Variants in NEMP2 observed in about 807,000 individuals in gnomAD.
The protein encoded by NEMP2 is UPF0571 transmembrane protein.
NEMP2 carries 53 observed loss-of-function variants against 54.2 expected under a neutral mutation model. The ratio of observed to expected loss-of-function variants is 0.98; its 90% CI spans 0.78 to 1.23. The LOEUF (loss-of-function observed/expected upper bound fraction) is 1.23, where lower values mean the gene tolerates loss of function less well. NEMP2 is among the 50% of genes most tolerant of loss of function. The probability of loss-of-function intolerance (pLI) is 0.00; values close to 1 mark genes in which losing one functional copy is unlikely to be tolerated. For synonymous variants in NEMP2, 197 were observed against 190.3 expected (o/e 1.04, Z -0.29); for missense variants, 455 against 511.3 (o/e 0.89, Z 1.06).
the NEMP2 span, among the ~76,000 whole-genome samples, chr2:190,478,198 T>G: frequency 3.9e-5 from 6 of 152,180 alleles, no homozygotes; most frequent in African/African-American, 1.4e-4. Flanking sequence ...TTTCATTTTA[T>G]TCTCCCTTAT....
rs1038129928 is a variant in NEMP2 at position 190,527,656 on chromosome 2, C to T, written c.98-2278G>A. 1.3e-5 allele frequency among the ~76,000 whole-genome samples: 2 copies of T among 152,108 alleles called. No individual in the cohort carries two copies. The highest frequency in any genetic ancestry group is 6.5e-5 in the Admixed American group (1 of 15,282). ...AAGGAACCTCTAGAGCAAAGGTCCC[C>T]AACCCTGGGGCCAAGGACCAATACC... On this transcript the variant is annotated intron_variant, in intron 1 of 8. Coordinates refer to ENST00000409150, the MANE Select transcript of NEMP2 (RefSeq NM_001142645.2). This position sits in a 1 kb window ranked among gnomAD's most constrained non-coding sequence, Gnocchi z 4.0.
chr2:190,427,716 G>T, the NEMP2 span, among the ~76,000 whole-genome samples: 1 of 147,614 alleles, frequency 6.8e-6, no homozygotes, highest in East Asian at 2.0e-4. Flanking sequence ...TCTTGGAAAA[G>T]AAGTCTACCA....
the NEMP2 span, among the ~76,000 whole-genome samples, chr2:190,421,757 C>T: frequency 6.6e-6 from 1 of 152,034 alleles, no homozygotes; most frequent in African/African-American, 2.4e-5. Context: ...GATGGGATCT[C>T]ACTATGTTGC....
At position 190,510,880 on chromosome 2, in the gene NEMP2, CAA is replaced by C. The variant is rs1212394251; in HGVS notation, c.954-345_954-344del. 4.0e-4 allele frequency among the ~76,000 whole-genome samples: 25 copies of C among 63,146 alleles called. No homozygotes were observed. The highest frequency in any genetic ancestry group is 5.3e-4 in the Admixed American group (3 of 5,714). The allele number at this position is 63,146 out of a possible 152,430, so 41.4% of individuals were successfully genotyped here. On this transcript the variant is annotated intron_variant, in intron 7 of 8. Transcript: ENST00000409150. The surrounding 1 kb of genome is among the most constrained non-coding windows in gnomAD (Gnocchi z 5.7). Reference sequence around the variant, plus strand: ...TGGGCGACAGAGGGAGACTCCGTCTCAAAAAAAAAAAAAAAAGATTTACAAAA... The same window carrying C: ...TGGGCGACAGAGGGAGACTCCGTCTCAAAAAAAAAAAAAAGATTTACAAAA...
chr2:190,600,785 T>C, the NEMP2 span, among the ~76,000 whole-genome samples: 1 of 152,120 alleles, frequency 6.6e-6, no homozygotes, highest in South Asian at 2.1e-4. The surrounding 1 kb of genome is among the most constrained non-coding windows in gnomAD (Gnocchi z 4.9). Flanking sequence ...CTCTTTTCTT[T>C]ATAAATTACC....
At chr2:190,448,739 G>A in the NEMP2 span, among the ~76,000 whole-genome samples, 1 of 152,184 alleles carries the variant, frequency 6.6e-6, no homozygotes, top group African/African-American at 2.4e-5. Flanking sequence ...AAGGGACTTG[G>A]ATGGGGAACA....
the NEMP2 span, among the ~76,000 whole-genome samples, chr2:190,621,420 A>G: frequency 6.6e-6 from 1 of 152,204 alleles, no homozygotes; most frequent in Non-Finnish European, 1.5e-5. Context: ...TTATGGGATC[A>G]CCATTATATA....
rs368697209 is a variant in NEMP2, at chr2:190,522,711, C to T, written c.213+2552G>A. On this transcript the variant is annotated intron_variant, in intron 2 of 8. Transcript: ENST00000409150. The surrounding 1 kb of genome is among the most constrained non-coding windows in gnomAD (Gnocchi z 5.0). ...CATTTATAATCTATTCTCTCTAAAG[C>T]CTGCTACCTGGAGGCTTCATCTCCA... is the stretch of plus-strand genomic sequence containing the variant. Among the ~76,000 whole-genome samples, 38 of 152,292 alleles carry T rather than the reference C, an allele frequency of 2.5e-4. No homozygotes were observed. In the East Asian group the frequency reaches 2.9e-3, roughly 12 times the overall value.
chr2:190,588,292 G>A, the NEMP2 span, among the ~76,000 whole-genome samples: 12,097 of 152,148 alleles, frequency 0.08, 577 homozygotes, highest in African/African-American at 0.1. This position sits in a 1 kb window ranked among gnomAD's most constrained non-coding sequence, Gnocchi z 5.0. Context: ...GCTTTCAATG[G>A]CCTAGATTAT....
chr2:190,431,631 T>C, the NEMP2 span, among the ~76,000 whole-genome samples: 2 of 151,822 alleles, frequency 1.3e-5, no homozygotes, highest in Non-Finnish European at 2.9e-5. The surrounding 1 kb of genome is among the most constrained non-coding windows in gnomAD (Gnocchi z 4.4). Context: ...GGCAGGGAGG[T>C]TGCAGTGAGC....
the NEMP2 span, among the ~76,000 whole-genome samples, chr2:190,443,715 CT>C: frequency 6.6e-6 from 1 of 152,134 alleles, no homozygotes; most frequent in Admixed American, 6.5e-5. The surrounding 1 kb of genome is among the most constrained non-coding windows in gnomAD (Gnocchi z 4.2). Flanking sequence ...CTGATACAGC[CT>C]TTATATAATA....
chr2:190,572,036 T>C, the NEMP2 span, among the ~76,000 whole-genome samples: 2 of 152,176 alleles, frequency 1.3e-5, no homozygotes, highest in South Asian at 2.1e-4. Flanking sequence ...ATTGCCCAAA[T>C]TGGGGCCATT....
chr2:190,450,354 C>T, the NEMP2 span, among the ~76,000 whole-genome samples: 1 of 152,246 alleles, frequency 6.6e-6, no homozygotes, highest in South Asian at 2.1e-4. Context: ...GCCTTTCCAA[C>T]TTGAAGAAGT....
the NEMP2 span, among the ~76,000 whole-genome samples, chr2:190,630,608 A>T: frequency 6.6e-6 from 1 of 152,130 alleles, no homozygotes; most frequent in South Asian, 2.1e-4. This position sits in a 1 kb window ranked among gnomAD's most constrained non-coding sequence, Gnocchi z 5.5. Flanking sequence ...AAAATCCTTA[A>T]ATCTTTTTTT....
At chr2:190,435,681 C>G in the NEMP2 span, among the ~76,000 whole-genome samples, 2 of 152,144 alleles carry the variant, frequency 1.3e-5, no homozygotes, top group Non-Finnish European at 2.9e-5. Context: ...TAGACATAAT[C>G]CCTATTATTT....
At chr2:190,614,352 A>G in the NEMP2 span, among the ~76,000 whole-genome samples, 9 of 152,362 alleles carry the variant, frequency 5.9e-5, no homozygotes, top group Admixed American at 5.2e-4. The surrounding 1 kb of genome is among the most constrained non-coding windows in gnomAD (Gnocchi z 5.7). Flanking sequence ...CTGTTGTAAT[A>G]GCTATTAATG....
chr2:190,564,842 G>C, the NEMP2 span, among the ~76,000 whole-genome samples: 3 of 152,222 alleles, frequency 2.0e-5, no homozygotes, highest in Non-Finnish European at 4.4e-5. This position sits in a 1 kb window ranked among gnomAD's most constrained non-coding sequence, Gnocchi z 4.2. Context: ...GAGGGGTGAT[G>C]AGTAGATGAG....
the NEMP2 span, among the ~76,000 whole-genome samples, chr2:190,466,025 A>G: frequency 3.3e-5 from 5 of 152,098 alleles, no homozygotes; most frequent in South Asian, 2.1e-4. Flanking sequence ...TCCGAGATCA[A>G]TTGTCCGTAG....
chr2:190,537,778 A>G (rs532408465), upstream of NEMP2, among the ~76,000 whole-genome samples: 11 of 152,360 alleles, frequency 7.2e-5, no homozygotes, highest in South Asian at 2.1e-4. Flanking sequence ...AGAAGTTTGC[A>G]TAAGTCACAA....
Sources: gnomAD v4.1 joint callset for allele counts (sites outside exome capture counted in the v4.1 genomes callset) on GRCh38, gnomAD v4.1.1 for gene constraint, Gnocchi (gnomAD v3.1) non-coding constraint, MANE v1.5 for transcripts, NCBI Gene and HGNC (gene_info 2026-07-23, HGNC 2026-07-21) for gene names.